The following DIS3L variants were observed in gnomAD, a reference collection of about 807,000 sequenced individuals.
DIS3L encodes the protein DIS3-like exonuclease 1.
Under a neutral mutation model 120.3 loss-of-function variants are expected in DIS3L, and 100 were observed. The ratio of observed to expected loss-of-function variants is 0.83; its 90% CI spans 0.71 to 0.98. The LOEUF is 0.98. Among genes scored for constraint, DIS3L ranks in the 50% least tolerant of loss-of-function variants. The pLI is 0.00. For missense variants in DIS3L, 1,196 were observed against 1,314.2 expected (o/e 0.91, Z 1.39); for synonymous variants, 426 against 470.6 (o/e 0.91, Z 1.23).
At chr15:66,306,196 A>G (rs1191139358) in intron 2 of DIS3L, among the ~76,000 whole-genome samples, 3 of 152,174 alleles carry the variant, frequency 2.0e-5, no homozygotes, top group African/African-American at 7.2e-5. Context: ...GCTGGTGTTG[A>G]ACTCCTGGCC....
intron 11 of DIS3L, among the ~76,000 whole-genome samples, chr15:66,325,422 G>A (rs1404986481): frequency 2.6e-5 from 4 of 152,098 alleles, no homozygotes; most frequent in African/African-American, 9.7e-5. Context: ...ATAAAGTAAG[G>A]TTTGTAATGT....
At position 66,318,537 on chromosome 15, in the gene DIS3L, T is replaced by C. The variant is rs1363366264; in HGVS notation, c.1083T>C (p.Asn361=). 2 of 1,613,996 alleles carry C rather than the reference T, an allele frequency of 1.2e-6. No homozygotes were observed. Among genetic ancestry groups the C allele is most frequent in the Non-Finnish European group, 1.7e-6 (2 of 1,179,986 alleles). Residue 361 remains asparagine, a synonymous_variant, in exon 8 of 17, where the codon AAT becomes AAC. Transcript: ENST00000319212. ...AAGAGGTCCAATCTCAGGGCAAAAATGCTCAGAAAATCCTGGTTACACCTT... is the reference window on the plus strand; with the variant it reads ...AAGAGGTCCAATCTCAGGGCAAAAACGCTCAGAAAATCCTGGTTACACCTT... ...SKEEVQSQGK[N]AQKILVTPWD...
chr15:66,296,375 G>A (rs998690843), intron 2 of DIS3L, among the ~76,000 whole-genome samples: 2 of 152,022 alleles, frequency 1.3e-5, no homozygotes, highest in Non-Finnish European at 2.9e-5. Context: ...GCCTTACCAT[G>A]TCTTTGAATA....
In DIS3L at chr15:66,295,113, C is replaced by T; in HGVS notation, c.265C>T (p.Gln89Ter). The change falls in exon 2 of 17, where the codon CAA becomes TAA. Residue 89 changes from glutamine to a stop codon, truncating the protein, a stop_gained. Transcript: ENST00000319212. LOFTEE classifies it high-confidence loss of function. ...AATTATTTTCATGCAGACAGCTTGT[C>T]AAGCTGTGCAGCATCAAAGAGGCAG... ...KGIIFMQTAC[Q>*]AVQHQRGRRQ... 6.2e-7 allele frequency: 1 copy of T among 1,614,030 alleles called. No individual in the cohort carries two copies. The highest frequency in any genetic ancestry group is 1.3e-5 in the African/African-American group (1 of 75,042).
chr15:66,300,951 A>C (rs1347246022), intron 2 of DIS3L, among the ~76,000 whole-genome samples: 2 of 152,336 alleles, frequency 1.3e-5, no homozygotes, highest in Non-Finnish European at 2.9e-5. Context: ...GTGGTGTCTG[A>C]AGGTAAGTCT....
At position 66,318,435 on chromosome 15, in the gene DIS3L, T is replaced by A. The variant is rs920346249; in HGVS notation, c.995-14T>A. The A allele has an allele frequency of 6.2e-7, 1 of 1,611,884 alleles. No homozygotes were observed. The highest frequency in any genetic ancestry group is 1.7e-5 in the Admixed American group (1 of 59,738). On this transcript the variant is annotated splice_polypyrimidine_tract_variant and intron_variant, in intron 7 of 16. Coordinates refer to ENST00000319212, the MANE Select transcript of DIS3L (RefSeq NM_001143688.3). ...TAACCAGTTAATGCCTTGTTTTGTT[T>A]TGTTTTGCCAAAGGTCGAGTGGTGG...
chr15:66,297,530 A>G (rs2092601373), intron 2 of DIS3L, among the ~76,000 whole-genome samples: 1 of 152,232 alleles, frequency 6.6e-6, no homozygotes, highest in Non-Finnish European at 1.5e-5. Flanking sequence ...TAATTAGCAT[A>G]TGCATTACTT....
chr15:66,310,852 C>T (rs2092752610), intron 4 of DIS3L, among the ~76,000 whole-genome samples: 1 of 152,100 alleles, frequency 6.6e-6, no homozygotes, highest in Non-Finnish European at 1.5e-5. Context: ...CAAGAATGGC[C>T]TGGCACAGTG....
At chr15:66,321,763 CA>C (rs35742157) in intron 9 of DIS3L, among the ~76,000 whole-genome samples, 6,565 of 100,866 alleles carry the variant, frequency 0.065, 312 homozygotes, top group African/African-American at 0.14. Context: ...GAGACTGTCT[CA>C]AAAAAAAAAA....
In DIS3L at chr15:66,333,442, T is replaced by C; in HGVS notation, c.*130T>C. The C allele has an allele frequency of 9.3e-7, 1 of 1,072,574 alleles. No individual in the cohort carries two copies. The highest frequency in any genetic ancestry group is 1.6e-5 in the African/African-American group (1 of 62,554). The allele number at this position is 1,072,574 out of a possible 1,614,324, so 66.4% of individuals were successfully genotyped here. On this transcript the variant is annotated 3_prime_UTR_variant, in exon 17 of 17. Coordinates refer to ENST00000319212, the MANE Select transcript of DIS3L (RefSeq NM_001143688.3). Reference sequence around the variant, plus strand: ...GTAGCTATTTCGCATATATGTAAAATGTTCTCAGCCGGGCACGGTGGCTCA... The same window carrying C: ...GTAGCTATTTCGCATATATGTAAAACGTTCTCAGCCGGGCACGGTGGCTCA...
Position 66,323,486 on chromosome 15 carries a change from T to C in DIS3L, c.1575-7T>C. On this transcript the variant is annotated splice_polypyrimidine_tract_variant and splice_region_variant and intron_variant, in intron 10 of 16. Transcript: ENST00000319212. ...AGGTCGCGTTGCCGCGTGTGTGTCATTCACAGGGCCACCACTTATTATCTA... is the reference window on the plus strand; with the variant it reads ...AGGTCGCGTTGCCGCGTGTGTGTCACTCACAGGGCCACCACTTATTATCTA... 3 of 1,614,166 alleles carry C rather than the reference T, an allele frequency of 1.9e-6. No homozygotes were observed. The highest frequency in any genetic ancestry group is 2.5e-6 in the Non-Finnish European group (3 of 1,180,014).
At chr15:66,293,764 G>A (rs1595704935) in intron 1 of DIS3L, 29 bp downstream of exon 1, 3 of 1,169,300 alleles carry the variant, frequency 2.6e-6, no homozygotes, top group Non-Finnish European at 3.2e-6. Context: ...GCGGGGACGG[G>A]GCCGGCGGGA....
chr15:66,294,898 A>C, intron 1 of DIS3L, 90 bp from the exon 2 acceptor site: 2 of 1,316,068 alleles, frequency 1.5e-6, no homozygotes, highest in Non-Finnish European at 2.1e-6. Context: ...TAAGACTGGA[A>C]GTTATTTTGC....
At chr15:66,314,173 C>A in intron 6 of DIS3L, 56 bp downstream of exon 6, 1 of 1,338,336 alleles carries the variant, frequency 7.5e-7, no homozygotes, top group Non-Finnish European at 9.8e-7. Context: ...TGACGTTATA[C>A]AATGAAGAAA....
chr15:66,320,968 G>A (rs2092877140), intron 9 of DIS3L, among the ~76,000 whole-genome samples: 1 of 152,006 alleles, frequency 6.6e-6, no homozygotes, highest in African/African-American at 2.4e-5. Context: ...TTTTCCAACT[G>A]GGCTTAAAAA....
chr15:66,314,630 G>A (rs2092798896), intron 6 of DIS3L, among the ~76,000 whole-genome samples: 1 of 152,192 alleles, frequency 6.6e-6, no homozygotes, highest in South Asian at 2.1e-4. Context: ...GCCCTTGCTC[G>A]TCAGCATTCC....
chr15:66,296,443 C>T (rs181840316), intron 2 of DIS3L, among the ~76,000 whole-genome samples: 4 of 151,876 alleles, frequency 2.6e-5, no homozygotes, highest in East Asian at 3.9e-4. Context: ...TGATAACACC[C>T]TGATTTTGTT....
chr15:66,297,323 G>A lies in DIS3L; in HGVS notation c.293+2182G>A, dbSNP rs547517507. ...AATTGTATGTATTTGGCCAGGCCTG[G>A]TGGCTCATACTTATAATCCCAGCAC... On this transcript the variant is annotated intron_variant, in intron 2 of 16. Coordinates refer to ENST00000319212, the MANE Select transcript of DIS3L (RefSeq NM_001143688.3). Among the ~76,000 whole-genome samples, 8 of 152,270 alleles carry A rather than the reference G, an allele frequency of 5.3e-5. No homozygotes were observed. In the South Asian group the frequency reaches 1.7e-3, roughly 32 times the overall value.
chr15:66,293,921 G>A (rs1435933022), intron 1 of DIS3L, 186 bp downstream of exon 1: 2 of 998,970 alleles, frequency 2.0e-6, no homozygotes, highest in East Asian at 1.1e-4. Flanking sequence ...GCCCGGGTCC[G>A]CGGCTTCTGG....
Sources: gnomAD v4.1 joint callset for allele counts (sites outside exome capture counted in the v4.1 genomes callset) on GRCh38, gnomAD v4.1.1 for gene constraint, MANE v1.5 for transcripts, NCBI Gene and HGNC (gene_info 2026-07-23, HGNC 2026-07-21) for gene names.